Variants in KCNH7 observed in about 807,000 individuals in gnomAD.
The protein encoded by KCNH7 is voltage-gated inwardly rectifying potassium channel KCNH7.
KCNH7 carries 49 observed loss-of-function variants against 120.8 expected under a neutral mutation model. That is an observed-to-expected ratio of 0.41 (90% CI 0.32 to 0.51). The LOEUF is 0.51. Ranked by LOEUF, KCNH7 falls within the 20% of genes least tolerant of loss-of-function variation. KCNH7 has a pLI of 0.38. For missense variants in KCNH7, 1,097 were observed against 1,446.6 expected (o/e 0.76, Z 3.92); for synonymous variants, 547 against 516.1 (o/e 1.06, Z -0.81).
intron 2 of KCNH7, among the ~76,000 whole-genome samples, chr2:162,698,039 T>G (rs952954731): frequency 6.6e-6 from 1 of 152,158 alleles, no homozygotes; most frequent in African/African-American, 2.4e-5. Context: ...GCATACAAAT[T>G]GGATTCAACA....
intron 12 of KCNH7, among the ~76,000 whole-genome samples, chr2:162,392,018 T>C (rs1474228751): frequency 6.6e-6 from 1 of 152,008 alleles, no homozygotes; most frequent in South Asian, 2.1e-4. Context: ...CAATAATTAG[T>C]CCAATTCAAG....
chr2:162,436,288 G>A (rs906955690), intron 7 of KCNH7, among the ~76,000 whole-genome samples: 1 of 152,056 alleles, frequency 6.6e-6, no homozygotes, highest in Non-Finnish European at 1.5e-5. Context: ...ATAACTGTGG[G>A]AACACTTATT....
At chr2:162,526,979 T>C (rs1691728261) in intron 3 of KCNH7, among the ~76,000 whole-genome samples, 1 of 152,030 alleles carries the variant, frequency 6.6e-6, no homozygotes, top group African/African-American at 2.4e-5. Context: ...CTAATAAATG[T>C]CCATGAAATC....
intron 2 of KCNH7, among the ~76,000 whole-genome samples, chr2:162,617,205 C>T (rs920584779): frequency 6.6e-6 from 1 of 152,084 alleles, no homozygotes; most frequent in East Asian, 1.9e-4. Context: ...GCAGGCTGGG[C>T]GTGGTGGCTC....
intron 3 of KCNH7, among the ~76,000 whole-genome samples, chr2:162,533,363 CGTA>C (rs1212492444): frequency 6.6e-6 from 1 of 151,578 alleles, no homozygotes; most frequent in Non-Finnish European, 1.5e-5. Flanking sequence ...AATCAATTAA[CGTA>C]GAAGTATCAT....
At chr2:162,390,367 A>T (rs766566855) in intron 12 of KCNH7, among the ~76,000 whole-genome samples, 1 of 151,704 alleles carries the variant, frequency 6.6e-6, no homozygotes. Context: ...TATACCCTGT[A>T]TATTATACAG....
intron 2 of KCNH7, among the ~76,000 whole-genome samples, chr2:162,712,038 A>G (rs1315169770): frequency 6.6e-6 from 1 of 152,148 alleles, no homozygotes; most frequent in African/African-American, 2.4e-5. Context: ...AAAGCTTCAC[A>G]ACAGGACCCA....
chr2:162,539,906 G>C (rs1692245808), intron 2 of KCNH7, among the ~76,000 whole-genome samples: 1 of 152,044 alleles, frequency 6.6e-6, no homozygotes, highest in African/African-American at 2.4e-5. Flanking sequence ...ATATTTTATA[G>C]AACAGAAATA....
intron 2 of KCNH7, among the ~76,000 whole-genome samples, chr2:162,834,218 A>G (rs564746898): frequency 6.6e-6 from 1 of 152,102 alleles, no homozygotes. Flanking sequence ...ACCAAGACAC[A>G]CTGAAGATTC....
chr2:162,793,263 C>A (rs1213949326), intron 2 of KCNH7, among the ~76,000 whole-genome samples: 1 of 151,744 alleles, frequency 6.6e-6, no homozygotes, highest in Non-Finnish European at 1.5e-5. Context: ...ACATGGACAC[C>A]TAGAGGGGAA....
At position 162,735,905 on chromosome 2, in the gene KCNH7, G is replaced by C. The variant is rs572361758; in HGVS notation, c.307+100632C>G. 3.9e-5 allele frequency among the ~76,000 whole-genome samples: 6 copies of C among 152,268 alleles called. No homozygotes were observed. The East Asian group carries it at 1.2e-3, about 29-fold the overall frequency. ...ACACACATAATATGCTCCTTGAGAA[G>C]GGCTTAGAGTTAGCTGAGAGAAGGC... On this transcript the variant is annotated intron_variant, in intron 2 of 15. Coordinates refer to ENST00000332142, the MANE Select transcript of KCNH7 (RefSeq NM_033272.4).
chr2:162,603,148 A>T (rs1453841905), intron 2 of KCNH7, among the ~76,000 whole-genome samples: 1 of 151,946 alleles, frequency 6.6e-6, no homozygotes, highest in Non-Finnish European at 1.5e-5. Flanking sequence ...ACTAGTTTTC[A>T]TTTATCCTGA....
intron 2 of KCNH7, among the ~76,000 whole-genome samples, chr2:162,728,507 G>A (rs749040453): frequency 1.3e-5 from 2 of 152,108 alleles, no homozygotes; most frequent in Non-Finnish European, 2.9e-5. Flanking sequence ...GGCCAGGCGC[G>A]GTGGCTCATG....
chr2:162,494,499 T>C (rs1405581777), intron 6 of KCNH7, among the ~76,000 whole-genome samples: 2 of 152,164 alleles, frequency 1.3e-5, no homozygotes, highest in East Asian at 3.9e-4. Flanking sequence ...TTAGGTTATA[T>C]TTTAGTGAAC....
In KCNH7 at chr2:162,752,902, G is replaced by GAA. The variant is rs140501872; in HGVS notation, c.307+83633_307+83634dup. On this transcript the variant is annotated intron_variant, in intron 2 of 15. Coordinates refer to ENST00000332142, the MANE Select transcript of KCNH7 (RefSeq NM_033272.4). ...GGCAAAAGAGCAAGACTACATCTCA[G>GAA]AAAAAGAAAAGAAAAGAAAAGAAAA... Among the ~76,000 whole-genome samples, 102 of 61,276 alleles carry GAA rather than the reference G, an allele frequency of 1.7e-3. 4 individuals are homozygous for GAA. Among genetic ancestry groups the GAA allele is most frequent in the East Asian group, 7.6e-3 (9 of 1,180 alleles). 40.2% of individuals were successfully genotyped at this position (61,276 alleles called of 152,430 possible). A position where few individuals can be genotyped will look rare whatever the true frequency, so the allele number is the denominator to read the frequency against.
rs187348818 is a variant in KCNH7 at position 162,716,905 on chromosome 2, G to T, written c.307+119632C>A. On this transcript the variant is annotated intron_variant, in intron 2 of 15. Coordinates refer to ENST00000332142, the MANE Select transcript of KCNH7 (RefSeq NM_033272.4). ...TTATTTTCTTATATTTATAATTCTG[G>T]TTGTTAAAAATGTCTTTAGGGAACA... is the stretch of plus-strand genomic sequence containing the variant. Among the ~76,000 whole-genome samples, 73 of 152,128 alleles carry T rather than the reference G, an allele frequency of 4.8e-4. 1 individual carries two copies. Among genetic ancestry groups the T allele is most frequent in the African/African-American group, 1.6e-3 (67 of 41,514 alleles).
chr2:162,552,030 G>A (rs545096212), intron 2 of KCNH7, among the ~76,000 whole-genome samples: 1 of 152,256 alleles, frequency 6.6e-6, no homozygotes, highest in South Asian at 2.1e-4. Context: ...AAAATGGAAA[G>A]AAAATAGAAA....
intron 2 of KCNH7, among the ~76,000 whole-genome samples, chr2:162,771,616 C>T (rs755045700): frequency 6.6e-6 from 1 of 152,044 alleles, no homozygotes; most frequent in Admixed American, 6.6e-5. Flanking sequence ...TTATAATAAA[C>T]TTTAATATGA....
intron 2 of KCNH7, among the ~76,000 whole-genome samples, chr2:162,812,317 T>C (rs951982486): frequency 2.6e-5 from 4 of 152,174 alleles, no homozygotes; most frequent in Admixed American, 2.6e-4. Flanking sequence ...TAAATATTAA[T>C]ACAAGATAAC....
Sources: gnomAD v4.1 joint callset for allele counts (sites outside exome capture counted in the v4.1 genomes callset) on GRCh38, gnomAD v4.1.1 for gene constraint, MANE v1.5 for transcripts, NCBI Gene and HGNC (gene_info 2026-07-23, HGNC 2026-07-21) for gene names.